The following CADM2 variants were observed in gnomAD, a reference collection of about 807,000 sequenced individuals.
The protein encoded by CADM2 is cell adhesion molecule 2.
CADM2 carries 12 observed loss-of-function variants against 49.8 expected under a neutral mutation model. The ratio of observed to expected loss-of-function variants is 0.24; its 90% CI spans 0.15 to 0.39. The LOEUF is 0.39. Ranked by LOEUF, CADM2 falls within the 10% of genes least tolerant of loss-of-function variation. CADM2 has a pLI of 1.00. For synonymous variants in CADM2, 214 were observed against 175.4 expected, an observed-to-expected ratio of 1.22 and a Z score of -1.74; for missense variants, 378 against 492.3, an observed-to-expected ratio of 0.77 and a Z score of 2.20.
intron 3 of CADM2, among the ~76,000 whole-genome samples, chr3:85,812,813 T>C (rs1424204446): frequency 1.3e-5 from 2 of 152,140 alleles, no homozygotes; most frequent in Non-Finnish European, 2.9e-5. Context: ...GGTTTTCCGT[T>C]CTTGTGACAA....
chr3:85,226,711 T>G (rs1458042557), intron 1 of CADM2, among the ~76,000 whole-genome samples: 1 of 152,150 alleles, frequency 6.6e-6, no homozygotes, highest in Non-Finnish European at 1.5e-5. Context: ...TTCTTTTAAT[T>G]TTGATGTTAG....
chr3:85,615,354 T>C (rs923903723), intron 1 of CADM2, among the ~76,000 whole-genome samples: 1 of 152,060 alleles, frequency 6.6e-6, no homozygotes, highest in Non-Finnish European at 1.5e-5. Flanking sequence ...TGTGACTTTG[T>C]CAACCTTTGT....
chr3:85,365,185 T>C (rs531358537), intron 1 of CADM2, among the ~76,000 whole-genome samples: 176 of 124,594 alleles, frequency 1.4e-3, no homozygotes, highest in African/African-American at 5.0e-3. Flanking sequence ...TGGGAGGGTT[T>C]TTTTTTTTTT....
At chr3:85,116,960 CTG>C (rs2038661252) in intron 1 of CADM2, among the ~76,000 whole-genome samples, 1 of 152,110 alleles carries the variant, frequency 6.6e-6, no homozygotes, top group South Asian at 2.1e-4. Flanking sequence ...ATTTGGGAAT[CTG>C]GGGTGGGTGG....
chr3:85,247,768 A>G (rs942845399), intron 1 of CADM2, among the ~76,000 whole-genome samples: 2 of 152,142 alleles, frequency 1.3e-5, no homozygotes, highest in Non-Finnish European at 2.9e-5. Flanking sequence ...TTCCTGTGTC[A>G]TGATAGGTAA....
intron 1 of CADM2, among the ~76,000 whole-genome samples, chr3:85,609,833 G>A (rs961106959): frequency 9.2e-5 from 14 of 151,976 alleles, no homozygotes; most frequent in Non-Finnish European, 1.8e-4. Flanking sequence ...TTTAAAAGAT[G>A]ATTATTATAA....
At position 85,472,952 on chromosome 3, in the gene CADM2, T is replaced by A. The variant is rs1008686609; in HGVS notation, c.62-253570T>A. ...TGTAAACCACTGCTAAATTTCCATTTGCATGTTGAACCATCAGTTTCTTAC... is the reference window on the plus strand; with the variant it reads ...TGTAAACCACTGCTAAATTTCCATTAGCATGTTGAACCATCAGTTTCTTAC... On this transcript the variant is annotated intron_variant, in intron 1 of 9. Coordinates refer to ENST00000383699, the MANE Select transcript of CADM2 (RefSeq NM_001167675.2). Among the ~76,000 whole-genome samples the A allele has an allele frequency of 3.3e-5, 5 of 152,110 alleles. No homozygotes were observed. The East Asian group carries it at 9.6e-4, about 29-fold the overall frequency.
intron 1 of CADM2, among the ~76,000 whole-genome samples, chr3:85,390,002 G>T (rs963194958): frequency 8.6e-5 from 13 of 151,902 alleles, no homozygotes; most frequent in Admixed American, 6.6e-5. Flanking sequence ...ATTTCATGAA[G>T]CCACAATCGG....
Position 85,049,504 on chromosome 3 carries a change from C to T in CADM2, c.61+89836C>T, listed in dbSNP as rs569058224. 3.3e-3 allele frequency among the ~76,000 whole-genome samples: 509 copies of T among 152,046 alleles called. 5 individuals are homozygous for T. Among genetic ancestry groups the T allele is most frequent in the Non-Finnish European group, 5.0e-3 (338 of 67,992 alleles). ...TAACTGGGATTACAGGCTCACACCA[C>T]CACACCCGGCTATTTCTTTGTACTT... is the stretch of plus-strand genomic sequence containing the variant. On this transcript the variant is annotated intron_variant, in intron 1 of 9. Transcript: ENST00000383699.
At chr3:85,382,098 T>A (rs1576454261) in intron 1 of CADM2, among the ~76,000 whole-genome samples, 1 of 152,068 alleles carries the variant, frequency 6.6e-6, no homozygotes, top group African/African-American at 2.4e-5. Context: ...ATTGTATAAT[T>A]GTACACATCC....
intron 3 of CADM2, among the ~76,000 whole-genome samples, chr3:85,842,945 T>G (rs902955075): frequency 2.4e-4 from 36 of 152,048 alleles, no homozygotes; most frequent in African/African-American, 4.6e-4. Context: ...TACACAATTG[T>G]GGACATGCAT....
At chr3:86,004,738 T>C (rs1264643553) in intron 8 of CADM2, among the ~76,000 whole-genome samples, 1 of 152,184 alleles carries the variant, frequency 6.6e-6, no homozygotes, top group Non-Finnish European at 1.5e-5. Context: ...TTATTTCTTC[T>C]CTCCTACTCT....
At chr3:85,888,798 A>G (rs1223008711) in intron 5 of CADM2, among the ~76,000 whole-genome samples, 1 of 152,160 alleles carries the variant, frequency 6.6e-6, no homozygotes, top group African/African-American at 2.4e-5. Flanking sequence ...TGGATATGCT[A>G]AGCAAAATTT....
intron 1 of CADM2, among the ~76,000 whole-genome samples, chr3:85,540,054 A>G (rs1179807352): frequency 6.6e-6 from 1 of 152,158 alleles, no homozygotes; most frequent in Non-Finnish European, 1.5e-5. Flanking sequence ...TGGGATTTTC[A>G]TCATGATAAA....
In CADM2 at chr3:85,568,475, CTT is replaced by C. The variant is rs377344853; in HGVS notation, c.62-158045_62-158044del. On this transcript the variant is annotated intron_variant, in intron 1 of 9. Coordinates refer to ENST00000383699, the MANE Select transcript of CADM2 (RefSeq NM_001167675.2). ...TCTTTCTTTCTTTCTCTTTCTCTCT[CTT>C]TCTTTCTTTCTTTCTTTCTTTCTTT... 7.8e-3 allele frequency among the ~76,000 whole-genome samples: 309 copies of C among 39,366 alleles called. 30 individuals carry two copies. Among genetic ancestry groups the C allele is most frequent in the African/African-American group, 0.02 (295 of 15,004 alleles). 25.8% of individuals were successfully genotyped at this position (39,366 alleles called of 152,430 possible).
chr3:85,094,765 C>T (rs775796366), intron 1 of CADM2, among the ~76,000 whole-genome samples: 42 of 152,074 alleles, frequency 2.8e-4, no homozygotes, highest in Non-Finnish European at 5.6e-4. Context: ...CTCAAAGATA[C>T]GTTTAAATGA....
chr3:85,412,384 T>G (rs1359829676), intron 1 of CADM2, among the ~76,000 whole-genome samples: 8 of 152,224 alleles, frequency 5.3e-5, no homozygotes, highest in Non-Finnish European at 1.2e-4. Flanking sequence ...TGACAATATA[T>G]AGTAACTTAA....
At chr3:85,021,070 T>C (rs917361640) in intron 1 of CADM2, among the ~76,000 whole-genome samples, 6 of 143,634 alleles carry the variant, frequency 4.2e-5, no homozygotes, top group Admixed American at 7.3e-5. Context: ...TGAGCCAAGA[T>C]TGTGCCTTTG....
chr3:85,236,088 T>C (rs901229900), intron 1 of CADM2, among the ~76,000 whole-genome samples: 2 of 152,048 alleles, frequency 1.3e-5, no homozygotes, highest in African/African-American at 4.8e-5. Flanking sequence ...ATGGATGATG[T>C]TATTCTCAGG....
Sources: allele counts gnomAD v4.1 joint callset (sites outside exome capture counted in the v4.1 genomes callset), GRCh38; gene constraint gnomAD v4.1.1; transcripts MANE v1.5; gene names NCBI Gene and HGNC (gene_info 2026-07-23, HGNC 2026-07-21).